EDIL3: variants seen among roughly 807,000 people sequenced by gnomAD.
The protein encoded by EDIL3 is EGF-like repeat and discoidin I-like domain-containing protein 3.
EDIL3 carries 37 observed loss-of-function variants against 67.4 expected under a neutral mutation model. That is an observed-to-expected ratio of 0.55 (90% CI 0.42 to 0.72). The LOEUF (loss-of-function observed/expected upper bound fraction) is 0.72, where lower values mean the gene tolerates loss of function less well. Ranked by LOEUF, EDIL3 falls within the 30% of genes least tolerant of loss-of-function variation. EDIL3 has a pLI of 0.00. For missense variants in EDIL3, 527 were observed against 586.3 expected, an observed-to-expected ratio of 0.90 and a Z score of 1.04; for synonymous variants, 195 against 196.3, an observed-to-expected ratio of 0.99 and a Z score of 0.05.
intron 1 of EDIL3, among the ~76,000 whole-genome samples, chr5:84,338,328 T>G (rs1171030455): frequency 1.3e-5 from 2 of 152,164 alleles, no homozygotes; most frequent in Non-Finnish European, 2.9e-5. Flanking sequence ...AATGCGCTTA[T>G]GCGACTTGGT....
chr5:84,130,576 C>G (rs1245341984), intron 5 of EDIL3, among the ~76,000 whole-genome samples: 1 of 152,018 alleles, frequency 6.6e-6, no homozygotes, highest in East Asian at 1.9e-4. Context: ...TTCAGAATTT[C>G]TCTATGTTTT....
intron 2 of EDIL3, among the ~76,000 whole-genome samples, chr5:84,232,520 C>T (rs546310106): frequency 8.5e-5 from 13 of 152,120 alleles, no homozygotes; most frequent in Non-Finnish European, 1.8e-4. Context: ...TAGTAAGAGT[C>T]ATAGTAATCA....
intron 1 of EDIL3, among the ~76,000 whole-genome samples, chr5:84,350,879 T>C (rs1009427644): frequency 1.3e-5 from 2 of 152,168 alleles, no homozygotes; most frequent in Admixed American, 1.3e-4. Context: ...CATTTAAACA[T>C]ATAATCAATA....
chr5:83,996,400 TGCA>T (rs1235947734), intron 9 of EDIL3, among the ~76,000 whole-genome samples: 2 of 152,228 alleles, frequency 1.3e-5, no homozygotes, highest in Non-Finnish European at 2.9e-5. Flanking sequence ...AGGCTGCCAA[TGCA>T]GCAGGAGACA....
chr5:84,327,035 C>T (rs538118670), intron 1 of EDIL3, among the ~76,000 whole-genome samples: 1 of 151,954 alleles, frequency 6.6e-6, no homozygotes, highest in African/African-American at 2.4e-5. Context: ...GTGATGCTTT[C>T]ATATATGTAT....
intron 6 of EDIL3, among the ~76,000 whole-genome samples, chr5:84,105,388 T>C (rs1466142165): frequency 1.3e-5 from 2 of 152,064 alleles, no homozygotes; most frequent in East Asian, 1.9e-4. Flanking sequence ...CATATAAGAA[T>C]GCCTAAGAAA....
At chr5:84,383,265 C>A (rs1017549192) in intron 1 of EDIL3, among the ~76,000 whole-genome samples, 1 of 152,212 alleles carries the variant, frequency 6.6e-6, no homozygotes, top group East Asian at 1.9e-4. Flanking sequence ...CTCCCACTCG[C>A]CTCCCCACAC....
At chr5:84,021,974 AAAG>A (rs1411821097) in intron 9 of EDIL3, among the ~76,000 whole-genome samples, 3 of 152,002 alleles carry the variant, frequency 2.0e-5, no homozygotes, top group African/African-American at 4.8e-5. Flanking sequence ...CCAAATGTAT[AAAG>A]AAGAACTAAT....
At chr5:84,312,393 C>T (rs1183628204) in intron 1 of EDIL3, among the ~76,000 whole-genome samples, 1 of 138,950 alleles carries the variant, frequency 7.2e-6, no homozygotes, top group Non-Finnish European at 1.6e-5. Flanking sequence ...CTGACTCCCC[C>T]ACCACCCTCC....
intron 4 of EDIL3, among the ~76,000 whole-genome samples, chr5:84,158,061 CACA>C (rs1307250527): frequency 3.9e-5 from 6 of 151,996 alleles, no homozygotes; most frequent in South Asian, 4.1e-4. Context: ...ACAAAACAGG[CACA>C]ACAAGTTTTG....
At chr5:84,332,264 C>A (rs1167566782) in intron 1 of EDIL3, among the ~76,000 whole-genome samples, 3 of 152,082 alleles carry the variant, frequency 2.0e-5, no homozygotes, top group African/African-American at 7.2e-5. Context: ...CACATCTATT[C>A]AGCAGGCTGA....
intron 6 of EDIL3, among the ~76,000 whole-genome samples, chr5:84,096,728 T>C (rs369468442): frequency 6.6e-6 from 1 of 152,114 alleles, no homozygotes; most frequent in East Asian, 1.9e-4. Context: ...GACATGAGAT[T>C]TTGGACAGTA....
chr5:84,174,403 T>G (rs757476101), intron 4 of EDIL3, among the ~76,000 whole-genome samples: 1 of 152,148 alleles, frequency 6.6e-6, no homozygotes, highest in Non-Finnish European at 1.5e-5. Flanking sequence ...TGGAATACAC[T>G]CTCATATATG....
At chr5:84,364,336 C>T (rs1421748981) in intron 1 of EDIL3, among the ~76,000 whole-genome samples, 1 of 152,128 alleles carries the variant, frequency 6.6e-6, no homozygotes, top group Non-Finnish European at 1.5e-5. Context: ...AAGGCAAGTA[C>T]TTGTTAGAGC....
chr5:84,103,232 A>C (rs1747399905), intron 6 of EDIL3, among the ~76,000 whole-genome samples: 1 of 152,184 alleles, frequency 6.6e-6, no homozygotes, highest in South Asian at 2.1e-4. Context: ...GATGGATTAA[A>C]GACTTAAATG....
At chr5:84,206,687 G>C (rs929683003) in intron 3 of EDIL3, among the ~76,000 whole-genome samples, 2 of 151,912 alleles carry the variant, frequency 1.3e-5, no homozygotes, top group Non-Finnish European at 1.5e-5. Flanking sequence ...ACATCAAAAA[G>C]TTTATCCACC....
At chr5:84,074,023 G>C (rs1456852818) in intron 6 of EDIL3, among the ~76,000 whole-genome samples, 1 of 151,926 alleles carries the variant, frequency 6.6e-6, no homozygotes, top group Non-Finnish European at 1.5e-5. Context: ...GAACAGAACA[G>C]AGCCCTCAGA....
At chr5:84,262,754 C>G (rs1745260034) in intron 1 of EDIL3, among the ~76,000 whole-genome samples, 2 of 142,304 alleles carry the variant, frequency 1.4e-5, no homozygotes, top group African/African-American at 5.2e-5. Context: ...TCACTGCAAC[C>G]TCCGCCTCCC....
At chr5:84,333,286 A>G (rs1372803969) in intron 1 of EDIL3, among the ~76,000 whole-genome samples, 2 of 152,184 alleles carry the variant, frequency 1.3e-5, no homozygotes, top group Admixed American at 6.5e-5. Context: ...TGAACTTTGT[A>G]TATAACAAAT....
Sources: allele counts gnomAD v4.1 joint callset (sites outside exome capture counted in the v4.1 genomes callset), GRCh38; gene constraint gnomAD v4.1.1; transcripts MANE v1.5; gene names NCBI Gene and HGNC (gene_info 2026-07-23, HGNC 2026-07-21).